The following GLRX3 variants were observed in gnomAD, a reference collection of about 807,000 sequenced individuals.
The protein encoded by GLRX3 is glutaredoxin-3.
A neutral mutation model predicts 49.5 loss-of-function variants in GLRX3; 22 were observed. The ratio of observed to expected loss-of-function variants is 0.44; its 90% CI spans 0.32 to 0.63. GLRX3 has a LOEUF of 0.63. Ranked by LOEUF, GLRX3 falls within the 30% of genes least tolerant of loss-of-function variation. The pLI is 0.05. For synonymous variants in GLRX3, 133 were observed against 140.0 expected, an observed-to-expected ratio of 0.95 and a Z score of 0.35; for missense variants, 385 against 396.3, an observed-to-expected ratio of 0.97 and a Z score of 0.24.
chr10:130,148,365 A>C (rs748778223), intron 2 of GLRX3, among the ~76,000 whole-genome samples: 23 of 149,558 alleles, frequency 1.5e-4, no homozygotes, highest in Admixed American at 4.0e-4. Flanking sequence ...TCATGGGCTC[A>C]AGCAGTCTGC....
At chr10:130,144,336 A>C (rs1862230395) in intron 1 of GLRX3, among the ~76,000 whole-genome samples, 1 of 149,656 alleles carries the variant, frequency 6.7e-6, no homozygotes. Flanking sequence ...ACATATGCAG[A>C]ATGTGCAGGT....
intron 8 of GLRX3, 31 bp downstream of exon 8, chr10:130,171,667 TA>T (rs765985069): frequency 1.7e-5 from 21 of 1,218,026 alleles, no homozygotes; most frequent in Non-Finnish European, 2.4e-5. Context: ...AATGGTGTAT[TA>T]AAAAAATTCC....
intron 2 of GLRX3, among the ~76,000 whole-genome samples, chr10:130,158,392 T>C (rs1862516998): frequency 6.6e-6 from 1 of 152,220 alleles, no homozygotes; most frequent in Non-Finnish European, 1.5e-5. Context: ...AATCAGATTT[T>C]AAAAGAAGAT....
chr10:130,159,817 G>A, intron 2 of GLRX3, 178 bp from the exon 3 acceptor site: 1 of 1,359,496 alleles, frequency 7.4e-7, no homozygotes, highest in Non-Finnish European at 9.6e-7. Context: ...CAAACTCAGT[G>A]GATGACATGC....
At chr10:130,164,252 A>G (rs1451219365) in intron 4 of GLRX3, among the ~76,000 whole-genome samples, 2 of 152,202 alleles carry the variant, frequency 1.3e-5, no homozygotes, top group Non-Finnish European at 2.9e-5. Flanking sequence ...AGATGGGAAA[A>G]TGCTTGTTTT....
intron 4 of GLRX3, among the ~76,000 whole-genome samples, chr10:130,164,090 C>T (rs1862634638): frequency 6.6e-6 from 1 of 152,328 alleles, no homozygotes; most frequent in Non-Finnish European, 1.5e-5. Context: ...CCCCACTGGA[C>T]TCAGCCTAAC....
intron 1 of GLRX3, among the ~76,000 whole-genome samples, chr10:130,142,935 C>G (rs1169942351): frequency 1.3e-5 from 2 of 152,180 alleles, no homozygotes; most frequent in East Asian, 3.8e-4. Flanking sequence ...CCTCTGTGTC[C>G]CTCTGTAACC....
rs184949621 is a variant in GLRX3 at position 130,175,293 on chromosome 10, A to C, written c.957+204A>C. Among the ~76,000 whole-genome samples, 529 of 152,264 alleles carry C rather than the reference A, an allele frequency of 3.5e-3. 5 individuals are homozygous for C. Among genetic ancestry groups the C allele is most frequent in the African/African-American group, 0.011 (466 of 41,544 alleles). ...TGTCCCCACGTGGCAGCCTGTTCTT[A>C]CTTTCACACCTGAGCTAACCATTGC... On this transcript the variant is annotated intron_variant, in intron 10 of 10. Transcript: ENST00000331244.
At chr10:130,163,735 G>A (rs1002653747) in intron 4 of GLRX3, among the ~76,000 whole-genome samples, 7 of 152,048 alleles carry the variant, frequency 4.6e-5, no homozygotes, top group East Asian at 1.9e-4. Context: ...AAGTCACCTC[G>A]ACCCTCTGCT....
chr10:130,173,127 G>A (rs1037077742), intron 8 of GLRX3, among the ~76,000 whole-genome samples: 48 of 152,156 alleles, frequency 3.2e-4, no homozygotes, highest in South Asian at 2.1e-4. Flanking sequence ...CCTCTGCTGC[G>A]GGTCCACAGT....
At chr10:130,140,726 C>T (rs1001905893) in intron 1 of GLRX3, among the ~76,000 whole-genome samples, 4 of 151,980 alleles carry the variant, frequency 2.6e-5, no homozygotes, top group Non-Finnish European at 5.9e-5. Flanking sequence ...TGGTAACCTA[C>T]TTTAATTTTT....
intron 2 of GLRX3, among the ~76,000 whole-genome samples, chr10:130,152,996 G>A (rs769855189): frequency 1.3e-5 from 2 of 152,018 alleles, no homozygotes; most frequent in East Asian, 1.9e-4. Context: ...GGCTTTGTTC[G>A]TTTCTTTTCA....
At chr10:130,141,277 AG>A (rs764663703) in intron 1 of GLRX3, among the ~76,000 whole-genome samples, 1 of 152,134 alleles carries the variant, frequency 6.6e-6, no homozygotes, top group Non-Finnish European at 1.5e-5. Flanking sequence ...ACTGGGCATT[AG>A]AGTAAGACCC....
At chr10:130,165,306 A>G (rs1427823073) in intron 4 of GLRX3, among the ~76,000 whole-genome samples, 1 of 152,036 alleles carries the variant, frequency 6.6e-6, no homozygotes, top group Non-Finnish European at 1.5e-5. Flanking sequence ...GAATTAGCTT[A>G]TGGAAAGAAA....
rs146982700 is a variant in GLRX3 at position 130,168,602 on chromosome 10, G to A, written c.714-831G>A. Among the ~76,000 whole-genome samples the A allele has an allele frequency of 5.3e-3, 809 of 152,252 alleles. 2 individuals carry two copies. Among genetic ancestry groups the A allele is most frequent in the African/African-American group, 0.018 (765 of 41,558 alleles). ...CGTGACCACAGGCGTCCGCCACCAC[G>A]TCCGGCTAATTCTTTTGTACTTTTT... On this transcript the variant is annotated intron_variant, in intron 6 of 10. Transcript: ENST00000331244.
intron 2 of GLRX3, among the ~76,000 whole-genome samples, chr10:130,148,477 G>T (rs1862310669): frequency 8.4e-6 from 1 of 119,716 alleles, no homozygotes; most frequent in Non-Finnish European, 1.7e-5. Flanking sequence ...GAAATGGTTT[G>T]GCATTTTTGG....
intron 1 of GLRX3, among the ~76,000 whole-genome samples, chr10:130,137,059 C>G (rs1862069994): frequency 6.6e-6 from 1 of 152,062 alleles, no homozygotes; most frequent in Non-Finnish European, 1.5e-5. Context: ...GGGAAGGCCC[C>G]GTTGCATTAG....
chr10:130,142,992 T>C (rs559692664), intron 1 of GLRX3, among the ~76,000 whole-genome samples: 1 of 152,322 alleles, frequency 6.6e-6, no homozygotes, highest in Admixed American at 6.5e-5. Flanking sequence ...TTCCCAAATC[T>C]GTATATCAGG....
chr10:130,161,886 T>C (rs1413491006), intron 4 of GLRX3, among the ~76,000 whole-genome samples: 3 of 152,228 alleles, frequency 2.0e-5, no homozygotes, highest in African/African-American at 7.2e-5. Context: ...AAGCTTCTAG[T>C]GTGAATTTGA....
Sources: gnomAD v4.1 joint callset for allele counts (sites outside exome capture counted in the v4.1 genomes callset) on GRCh38, gnomAD v4.1.1 for gene constraint, MANE v1.5 for transcripts, NCBI Gene and HGNC (gene_info 2026-07-23, HGNC 2026-07-21) for gene names.